The following GPC5 variants were observed in gnomAD, a reference collection of about 807,000 sequenced individuals.
GPC5 encodes glypican-5.
A neutral mutation model predicts 53.9 loss-of-function variants in GPC5; 47 were observed. The ratio of observed to expected loss-of-function variants is 0.87; its 90% CI spans 0.69 to 1.11. The LOEUF is 1.11. Among genes scored for constraint, GPC5 ranks in the 50% most tolerant of loss-of-function variants. The pLI, the probability that GPC5 is intolerant of heterozygous loss-of-function variation, is 0.00. For synonymous variants in GPC5, 286 were observed against 263.3 expected, an observed-to-expected ratio of 1.09 and a Z score of -0.84; for missense variants, 748 against 713.1, an observed-to-expected ratio of 1.05 and a Z score of -0.56.
At chr13:92,198,003 A>G (rs1345004817) in intron 7 of GPC5, among the ~76,000 whole-genome samples, 1 of 151,938 alleles carries the variant, frequency 6.6e-6, no homozygotes, top group Non-Finnish European at 1.5e-5. Flanking sequence ...TGCACTTGTT[A>G]TTTTCCTATT....
chr13:92,853,348 T>G (rs1207362019), intron 7 of GPC5, among the ~76,000 whole-genome samples: 2 of 152,182 alleles, frequency 1.3e-5, no homozygotes, highest in Non-Finnish European at 2.9e-5. Context: ...TTTATGATGA[T>G]TTATTGTGGT....
intron 7 of GPC5, among the ~76,000 whole-genome samples, chr13:92,235,530 T>G (rs1400853216): frequency 6.6e-6 from 1 of 152,140 alleles, no homozygotes; most frequent in Non-Finnish European, 1.5e-5. Flanking sequence ...TTTAGCTAAG[T>G]TGGATTTCGT....
chr13:91,431,208 T>A (rs949499793), intron 1 of GPC5, among the ~76,000 whole-genome samples: 1 of 152,144 alleles, frequency 6.6e-6, no homozygotes, highest in Non-Finnish European at 1.5e-5. Flanking sequence ...ATTATTTATT[T>A]CTGGGCACAC....
chr13:92,354,588 G>C (rs901821360), intron 7 of GPC5, among the ~76,000 whole-genome samples: 1 of 152,156 alleles, frequency 6.6e-6, no homozygotes, highest in Non-Finnish European at 1.5e-5. Flanking sequence ...CTAATGGCTA[G>C]AGCAAGAACT....
At chr13:92,045,577 C>T (rs951652746) in intron 6 of GPC5, among the ~76,000 whole-genome samples, 4 of 152,140 alleles carry the variant, frequency 2.6e-5, no homozygotes, top group Non-Finnish European at 5.9e-5. Flanking sequence ...CCACAAACAT[C>T]GTCATTTCAA....
chr13:91,398,926 C>A lies in GPC5; in HGVS notation c.-121C>A. 1 of 1,341,174 alleles carries A rather than the reference C, an allele frequency of 7.5e-7. No homozygotes were observed. Among genetic ancestry groups the A allele is most frequent in the Non-Finnish European group, 9.9e-7 (1 of 1,010,644 alleles). The allele number at this position is 1,341,174 out of a possible 1,614,324, so 83.1% of individuals were successfully genotyped here. The stretch of plus-strand genomic sequence containing the variant: ...GGTGCCCGCGGGCGGTCCGTACACC[C>A]CGCAGCCGGCTCGCACCGCTCGAGA... On this transcript the variant is annotated 5_prime_UTR_variant, in exon 1 of 8. Coordinates refer to ENST00000377067, the MANE Select transcript of GPC5 (RefSeq NM_004466.6).
chr13:91,908,185 G>A (rs2039575520), intron 6 of GPC5, 128 bp downstream of exon 6: 3 of 697,968 alleles, frequency 4.3e-6, no homozygotes, highest in African/African-American at 1.9e-5. Context: ...CACACTTTTT[G>A]TATCAGGACA....
At chr13:91,423,625 A>G (rs1023894564) in intron 1 of GPC5, among the ~76,000 whole-genome samples, 1 of 152,182 alleles carries the variant, frequency 6.6e-6, no homozygotes, top group Admixed American at 6.5e-5. Context: ...CAAAGGCTAC[A>G]ACGTTTCAGT....
At chr13:92,033,818 A>G (rs1283042597) in intron 6 of GPC5, among the ~76,000 whole-genome samples, 1 of 152,168 alleles carries the variant, frequency 6.6e-6, no homozygotes, top group African/African-American at 2.4e-5. Context: ...TGCCAATAAC[A>G]CAGACTAGAC....
chr13:92,061,483 T>C (rs945653241), intron 6 of GPC5, among the ~76,000 whole-genome samples: 3 of 152,020 alleles, frequency 2.0e-5, no homozygotes, highest in African/African-American at 4.8e-5. Context: ...TATTCAGTGA[T>C]AGGAAAGAAG....
chr13:92,629,952 G>A (rs531982481), intron 7 of GPC5, among the ~76,000 whole-genome samples: 108 of 152,342 alleles, frequency 7.1e-4, no homozygotes, highest in African/African-American at 2.5e-3. Context: ...CGATAAAAGA[G>A]TGCATTTGAT....
At chr13:91,688,818 T>C (rs929473519) in intron 2 of GPC5, among the ~76,000 whole-genome samples, 10 of 152,120 alleles carry the variant, frequency 6.6e-5, no homozygotes, top group Admixed American at 1.3e-4. Context: ...TCTAGGCGTT[T>C]GTAATGCACT....
chr13:91,770,782 A>G (rs1203601519), intron 5 of GPC5, among the ~76,000 whole-genome samples: 1 of 151,856 alleles, frequency 6.6e-6, no homozygotes, highest in Non-Finnish European at 1.5e-5. Context: ...AAAGATTTAT[A>G]TAATTTGAAT....
At chr13:91,588,625 T>C (rs1288952674) in intron 2 of GPC5, among the ~76,000 whole-genome samples, 1 of 152,144 alleles carries the variant, frequency 6.6e-6, no homozygotes, top group Non-Finnish European at 1.5e-5. Flanking sequence ...TTCATACATC[T>C]TCACCTATCC....
At chr13:91,507,694 C>A (rs1885015795) in intron 2 of GPC5, among the ~76,000 whole-genome samples, 1 of 152,140 alleles carries the variant, frequency 6.6e-6, no homozygotes, top group African/African-American at 2.4e-5. Flanking sequence ...ATGACTTAAT[C>A]ACCTCCCAAA....
At chr13:91,732,966 G>C (rs919308250) in intron 4 of GPC5, among the ~76,000 whole-genome samples, 9 of 152,110 alleles carry the variant, frequency 5.9e-5, no homozygotes, top group African/African-American at 2.2e-4. Flanking sequence ...GATGCTTCCA[G>C]CTTTGTTCTT....
rs184062500 is a variant in GPC5, at chr13:91,700,996, G to T, written c.1020+7115G>T. 4.4e-3 allele frequency among the ~76,000 whole-genome samples: 666 copies of T among 152,080 alleles called. 6 individuals carry two copies. Among genetic ancestry groups the T allele is most frequent in the South Asian group, 0.018 (87 of 4,822 alleles). ...CTTTCAGCTGCTTTGACAATCCTCC[G>T]GCTACTTTTGTGGGGTAAATCTCTC... On this transcript the variant is annotated intron_variant, in intron 3 of 7. Coordinates refer to ENST00000377067, the MANE Select transcript of GPC5 (RefSeq NM_004466.6).
chr13:92,693,871 C>T (rs998481858), intron 7 of GPC5, among the ~76,000 whole-genome samples: 2 of 152,124 alleles, frequency 1.3e-5, no homozygotes, highest in African/African-American at 2.4e-5. Context: ...CAGGGCATGT[C>T]GAGATCTTCA....
chr13:92,782,599 G>A lies in GPC5; in HGVS notation c.1562-83683G>A, dbSNP rs112416232. Among the ~76,000 whole-genome samples, 564 of 152,252 alleles carry A rather than the reference G, an allele frequency of 3.7e-3. 1 individual carries two copies. Among genetic ancestry groups the A allele is most frequent in the Admixed American group, 7.9e-3 (121 of 15,286 alleles). On this transcript the variant is annotated intron_variant, in intron 7 of 7. Coordinates refer to ENST00000377067, the MANE Select transcript of GPC5 (RefSeq NM_004466.6). ...TGCTCAAAGACCCTACGGCAGTCACGCGTTTATCACAGTAAAATACTAAAT... is the reference window on the plus strand; with the variant it reads ...TGCTCAAAGACCCTACGGCAGTCACACGTTTATCACAGTAAAATACTAAAT...
Sources: gnomAD v4.1 joint callset for allele counts (sites outside exome capture counted in the v4.1 genomes callset) on GRCh38, gnomAD v4.1.1 for gene constraint, MANE v1.5 for transcripts, NCBI Gene and HGNC (gene_info 2026-07-23, HGNC 2026-07-21) for gene names.